Variants in PRKCQ observed in about 807,000 individuals in gnomAD.
PRKCQ encodes the protein protein kinase C theta type.
Under a neutral mutation model 91.2 loss-of-function variants are expected in PRKCQ, and 41 were observed. The ratio of observed to expected loss-of-function variants is 0.45; its 90% CI spans 0.35 to 0.58. The LOEUF is 0.58. PRKCQ is among the 20% of genes least tolerant of loss of function. The pLI, the probability that PRKCQ is intolerant of heterozygous loss-of-function variation, is 0.00. For synonymous variants in PRKCQ, 307 were observed against 316.9 expected (o/e 0.97, Z 0.33); for missense variants, 673 against 896.5 (o/e 0.75, Z 3.18).
chr10:6,493,432 T>C (rs919440375), intron 7 of PRKCQ, among the ~76,000 whole-genome samples: 16 of 152,228 alleles, frequency 1.1e-4, no homozygotes, highest in African/African-American at 3.6e-4. Flanking sequence ...AAATTACACA[T>C]GTAGCCCTCA....
chr10:6,547,589 C>G (rs936643276), intron 1 of PRKCQ, among the ~76,000 whole-genome samples: 56 of 150,340 alleles, frequency 3.7e-4, no homozygotes, highest in African/African-American at 1.3e-3. Context: ...ATATCTACAA[C>G]TATCTGATCT....
intron 1 of PRKCQ, among the ~76,000 whole-genome samples, chr10:6,521,729 G>A (rs1002102868): frequency 3.9e-5 from 6 of 151,996 alleles, no homozygotes; most frequent in African/African-American, 1.2e-4. Flanking sequence ...ACTCTGCTAC[G>A]GAGCTCCCAC....
intron 1 of PRKCQ, among the ~76,000 whole-genome samples, chr10:6,526,648 G>A (rs1195605940): frequency 6.6e-6 from 1 of 152,174 alleles, no homozygotes; most frequent in Admixed American, 6.5e-5. Context: ...CACGTTCTGG[G>A]AAGGCGGATG....
intron 15 of PRKCQ, among the ~76,000 whole-genome samples, chr10:6,451,748 C>A (rs562726029): frequency 1.6e-4 from 24 of 152,288 alleles, no homozygotes; most frequent in African/African-American, 5.8e-4. Flanking sequence ...TGGGCTTCAT[C>A]CCTGGGATGC....
chr10:6,415,785 G>T, the PRKCQ span, among the ~76,000 whole-genome samples: 2 of 140,682 alleles, frequency 1.4e-5, no homozygotes, highest in African/African-American at 2.7e-5. Context: ...TTGCTGTGTT[G>T]CCCAGGCTGG....
intron 1 of PRKCQ, among the ~76,000 whole-genome samples, chr10:6,557,944 C>A (rs770151294): frequency 1.3e-5 from 2 of 152,212 alleles, no homozygotes; most frequent in Non-Finnish European, 2.9e-5. Context: ...TGTTGCATTT[C>A]ATCACTGCTC....
intron 1 of PRKCQ, among the ~76,000 whole-genome samples, chr10:6,561,147 G>A (rs916579211): frequency 6.6e-6 from 1 of 152,046 alleles, no homozygotes; most frequent in Admixed American, 6.5e-5. Context: ...AAGACAGGCA[G>A]ATTGCTTGAG....
chr10:6,395,114 GT>G, the PRKCQ span, among the ~76,000 whole-genome samples: 4 of 144,452 alleles, frequency 2.8e-5, no homozygotes, highest in African/African-American at 1.0e-4. Flanking sequence ...CCAGGCTGGA[GT>G]GCAGTGGCTG....
At chr10:6,531,886 G>C (rs1439716056) in intron 1 of PRKCQ, among the ~76,000 whole-genome samples, 2 of 152,028 alleles carry the variant, frequency 1.3e-5, no homozygotes. Context: ...TAACAGAAGA[G>C]AGAACTGAGG....
At chr10:6,477,605 C>T (rs925737111) in intron 12 of PRKCQ, among the ~76,000 whole-genome samples, 4 of 152,212 alleles carry the variant, frequency 2.6e-5, no homozygotes, top group Non-Finnish European at 2.9e-5. Flanking sequence ...CGTTGGCTCA[C>T]GCCTGTAATC....
intron 1 of PRKCQ, among the ~76,000 whole-genome samples, chr10:6,575,636 T>C (rs1370637290): frequency 1.3e-5 from 2 of 152,174 alleles, no homozygotes; most frequent in Non-Finnish European, 1.5e-5. Flanking sequence ...AAATAAACAA[T>C]GAACTCAGGA....
chr10:6,420,084 G>T, the PRKCQ span, among the ~76,000 whole-genome samples: 9 of 152,106 alleles, frequency 5.9e-5, no homozygotes, highest in Non-Finnish European at 1.2e-4. Context: ...TGCCTCCCGG[G>T]TTCAAGTGAT....
chr10:6,548,608 T>C (rs920766186), intron 1 of PRKCQ, among the ~76,000 whole-genome samples: 1 of 147,694 alleles, frequency 6.8e-6, no homozygotes, highest in African/African-American at 2.5e-5. Flanking sequence ...TTGGAAATCA[T>C]CATTCTCAGT....
At chr10:6,463,148 T>C (rs1403942686) in intron 13 of PRKCQ, among the ~76,000 whole-genome samples, 4 of 152,236 alleles carry the variant, frequency 2.6e-5, no homozygotes, top group Non-Finnish European at 5.9e-5. Flanking sequence ...ACCTTTAGCC[T>C]GGGCAACACT....
intron 8 of PRKCQ, chr10:6,489,626 T>C: frequency 5.3e-6 from 2 of 380,856 alleles, no homozygotes; most frequent in South Asian, 4.0e-5. Flanking sequence ...GCATGCGGGG[T>C]GAGCGGAGCA....
At chr10:6,464,882 C>T (rs1281262956) in intron 12 of PRKCQ, among the ~76,000 whole-genome samples, 1 of 152,142 alleles carries the variant, frequency 6.6e-6, no homozygotes, top group African/African-American at 2.4e-5. Context: ...TTTAAACAAT[C>T]TATGTTTTTG....
chr10:6,516,257 A>G (rs918242064), intron 1 of PRKCQ, among the ~76,000 whole-genome samples: 1 of 152,220 alleles, frequency 6.6e-6, no homozygotes, highest in African/African-American at 2.4e-5. Context: ...AGTATGCTAA[A>G]TACCAGTGTT....
intron 1 of PRKCQ, among the ~76,000 whole-genome samples, chr10:6,527,005 G>C (rs1839224047): frequency 6.6e-6 from 1 of 152,212 alleles, no homozygotes; most frequent in Non-Finnish European, 1.5e-5. Flanking sequence ...CTGAAGATGA[G>C]GGGAGGGAAA....
chr10:6,558,493 T>A (rs1840504474), intron 1 of PRKCQ, among the ~76,000 whole-genome samples: 1 of 152,118 alleles, frequency 6.6e-6, no homozygotes, highest in African/African-American at 2.4e-5. Flanking sequence ...ATGACACAGA[T>A]AAAATGCAAC....
Sources: gnomAD v4.1 joint callset for allele counts (sites outside exome capture counted in the v4.1 genomes callset) on GRCh38, gnomAD v4.1.1 for gene constraint, MANE v1.5 for transcripts, NCBI Gene and HGNC (gene_info 2026-07-23, HGNC 2026-07-21) for gene names.